RHBDD1: variants seen among roughly 807,000 people sequenced by gnomAD.
The protein encoded by RHBDD1 is rhomboid-related protein 4.
In RHBDD1, 38 loss-of-function variants were observed where a neutral mutation model predicts 36.3. That is an observed-to-expected ratio of 1.05 (90% CI 0.81 to 1.37). RHBDD1 has a LOEUF of 1.37. Among genes scored for constraint, RHBDD1 ranks in the 40% most tolerant of loss-of-function variants. RHBDD1 has a pLI of 0.00. For missense variants in RHBDD1, 393 were observed against 377.6 expected (o/e 1.04, Z -0.34); for synonymous variants, 151 against 136.5 (o/e 1.11, Z -0.74).
chr2:226,958,980 C>A (rs201350711), intron 8 of RHBDD1, among the ~76,000 whole-genome samples: 1 of 152,068 alleles, frequency 6.6e-6, no homozygotes, highest in Admixed American at 6.6e-5. Context: ...CCTCAAGGAT[C>A]ATAATGTATA....
At position 226,895,233 on chromosome 2, in the gene RHBDD1, G is replaced by A. The variant is rs573966825; in HGVS notation, c.567-11560G>A. On this transcript the variant is annotated intron_variant, in intron 5 of 8. Transcript: ENST00000392062. ...AGGGCACGGTTACATGAGCCAGGGT[G>A]AAGCCTGAGCTAGGCAACCATGGGG... 4.6e-5 allele frequency among the ~76,000 whole-genome samples: 7 copies of A among 152,344 alleles called. No individual in the cohort carries two copies. The South Asian group carries it at 1.4e-3, about 32-fold the overall frequency.
chr2:226,893,115 G>A (rs1272390335), intron 5 of RHBDD1, among the ~76,000 whole-genome samples: 3 of 152,096 alleles, frequency 2.0e-5, no homozygotes, highest in South Asian at 4.2e-4. Flanking sequence ...TCTGTATGAT[G>A]AACTTCCTTT....
chr2:226,809,721 A>G, the RHBDD1 span, among the ~76,000 whole-genome samples: 3 of 152,230 alleles, frequency 2.0e-5, no homozygotes, highest in Non-Finnish European at 1.5e-5. Context: ...ATTTTAGACA[A>G]AAGTTTATAT....
chr2:226,834,918 G>C (rs1479677026), upstream of RHBDD1, among the ~76,000 whole-genome samples: 3 of 152,154 alleles, frequency 2.0e-5, no homozygotes, highest in Non-Finnish European at 2.9e-5. Context: ...CGGGATTACA[G>C]GCGCCCGCAA....
the RHBDD1 span, among the ~76,000 whole-genome samples, chr2:226,828,409 G>A: frequency 6.6e-6 from 1 of 152,148 alleles, no homozygotes; most frequent in African/African-American, 2.4e-5. Context: ...GTGGACATAT[G>A]TTTCATTTCT....
intron 7 of RHBDD1, among the ~76,000 whole-genome samples, chr2:226,910,461 A>C (rs1948439958): frequency 6.6e-6 from 1 of 152,122 alleles, no homozygotes; most frequent in South Asian, 2.1e-4. Flanking sequence ...ATTTATTCTT[A>C]ATATGGCTGT....
chr2:226,808,063 G>A, the RHBDD1 span, among the ~76,000 whole-genome samples: 2 of 152,114 alleles, frequency 1.3e-5, no homozygotes, highest in African/African-American at 4.8e-5. Flanking sequence ...AGACTGTTGG[G>A]GGGAGGACAG....
At chr2:226,870,659 C>T (rs930959221) in intron 5 of RHBDD1, among the ~76,000 whole-genome samples, 2 of 152,160 alleles carry the variant, frequency 1.3e-5, no homozygotes, top group Non-Finnish European at 2.9e-5. Flanking sequence ...CAATAGCCTA[C>T]TATTGACTGA....
chr2:226,802,112 T>C, the RHBDD1 span, among the ~76,000 whole-genome samples: 4 of 152,102 alleles, frequency 2.6e-5, no homozygotes, highest in Non-Finnish European at 4.4e-5. Flanking sequence ...GTTGGAAAAT[T>C]TATTTGCACG....
intron 8 of RHBDD1, among the ~76,000 whole-genome samples, chr2:226,965,649 A>G (rs1390290858): frequency 1.3e-5 from 2 of 152,186 alleles, no homozygotes; most frequent in Non-Finnish European, 2.9e-5. Flanking sequence ...AAACCACTGG[A>G]AAGTTGAAAG....
At chr2:226,815,610 C>T in the RHBDD1 span, among the ~76,000 whole-genome samples, 4 of 152,124 alleles carry the variant, frequency 2.6e-5, no homozygotes, top group African/African-American at 9.7e-5. Context: ...ACTGTGAACT[C>T]AACCCACATA....
At chr2:226,893,015 C>A (rs1471378308) in intron 5 of RHBDD1, among the ~76,000 whole-genome samples, 1 of 152,154 alleles carries the variant, frequency 6.6e-6, no homozygotes, top group Non-Finnish European at 1.5e-5. Flanking sequence ...TGCATTCATT[C>A]ATGTTATGAT....
chr2:226,900,514 G>A (rs1947498135), intron 5 of RHBDD1, among the ~76,000 whole-genome samples: 1 of 152,074 alleles, frequency 6.6e-6, no homozygotes. Context: ...GCTAACAGAA[G>A]AAATAAAGCT....
intron 8 of RHBDD1, among the ~76,000 whole-genome samples, chr2:226,927,814 T>A (rs6748311): frequency 0.58 from 88,556 of 151,724 alleles, 26,577 homozygotes; most frequent in African/African-American, 0.74. Flanking sequence ...TTTTCTTATC[T>A]TTGAGTTTAG....
intron 8 of RHBDD1, among the ~76,000 whole-genome samples, chr2:226,974,297 G>C (rs1189407966): frequency 6.6e-6 from 1 of 152,022 alleles, no homozygotes; most frequent in Non-Finnish European, 1.5e-5. Flanking sequence ...GAGTGCAGTG[G>C]TGTGATCTCG....
intron 8 of RHBDD1, among the ~76,000 whole-genome samples, chr2:226,924,023 G>A (rs1421683618): frequency 6.6e-6 from 1 of 152,046 alleles, no homozygotes; most frequent in African/African-American, 2.4e-5. Flanking sequence ...TGGTACCTAA[G>A]CTGCAAGACA....
At chr2:226,871,793 A>G (rs1944820013) in intron 5 of RHBDD1, among the ~76,000 whole-genome samples, 1 of 152,200 alleles carries the variant, frequency 6.6e-6, no homozygotes, top group African/African-American at 2.4e-5. Flanking sequence ...CATAGGGATG[A>G]TACATGTTGC....
rs558380219 is a variant in RHBDD1 at position 226,887,940 on chromosome 2, T to G, written c.567-18853T>G. Among the ~76,000 whole-genome samples the G allele has an allele frequency of 2.6e-5, 4 of 152,236 alleles. No individual in the cohort carries two copies. In the South Asian group the frequency reaches 6.2e-4, roughly 24 times the overall value. On this transcript the variant is annotated intron_variant, in intron 5 of 8. Transcript: ENST00000392062. Reference sequence around the variant, plus strand: ...CATTAAAGAATAACCTTAAAGTCATTTAAACAGATACAACACGTATGCAGA... The same window carrying G: ...CATTAAAGAATAACCTTAAAGTCATGTAAACAGATACAACACGTATGCAGA...
chr2:226,892,413 G>A (rs1946758959), intron 5 of RHBDD1, among the ~76,000 whole-genome samples: 1 of 144,420 alleles, frequency 6.9e-6, no homozygotes, highest in South Asian at 2.1e-4. Context: ...GTTGGCTCTA[G>A]GAATTCAGGG....
Sources: gnomAD v4.1 joint callset for allele counts (sites outside exome capture counted in the v4.1 genomes callset) on GRCh38, gnomAD v4.1.1 for gene constraint, MANE v1.5 for transcripts, NCBI Gene and HGNC (gene_info 2026-07-23, HGNC 2026-07-21) for gene names.